OXR1: variants seen among roughly 807,000 people sequenced by gnomAD.
OXR1 encodes oxidation resistance protein 1.
A neutral mutation model predicts 104.6 loss-of-function variants in OXR1; 41 were observed. The ratio of observed to expected loss-of-function variants is 0.39; its 90% CI spans 0.31 to 0.51. OXR1 has a LOEUF of 0.51. Ranked by LOEUF, OXR1 falls within the 20% of genes least tolerant of loss-of-function variation. The pLI, the probability that OXR1 is intolerant of heterozygous loss-of-function variation, is 0.77. For missense variants in OXR1, 955 were observed against 1,031.9 expected, an observed-to-expected ratio of 0.93 and a Z score of 1.02; for synonymous variants, 348 against 348.4, an observed-to-expected ratio of 1.00 and a Z score of 0.01.
intron 6 of OXR1, 24 bp from the exon 7 acceptor site, chr8:106,692,703 TC>T: frequency 1.4e-6 from 2 of 1,414,362 alleles, no homozygotes; most frequent in Non-Finnish European, 9.4e-7. Flanking sequence ...CTTTTTTTTT[TC>T]TTTCCTTTAA....
chr8:106,569,895 G>A (rs749371830), intron 3 of OXR1, among the ~76,000 whole-genome samples: 7 of 152,176 alleles, frequency 4.6e-5, no homozygotes, highest in Non-Finnish European at 8.8e-5. Flanking sequence ...TGAAATGTCT[G>A]TGTGGGAGCT....
intron 2 of OXR1, among the ~76,000 whole-genome samples, chr8:106,414,858 G>T (rs1222450618): frequency 1.3e-5 from 2 of 152,110 alleles, no homozygotes; most frequent in East Asian, 3.9e-4. Flanking sequence ...AAGGCACCAG[G>T]GAGCTACTGA....
At chr8:106,695,199 G>T (rs1829885613) in intron 7 of OXR1, among the ~76,000 whole-genome samples, 1 of 150,976 alleles carries the variant, frequency 6.6e-6, no homozygotes, top group Non-Finnish European at 1.5e-5. Context: ...TAAGGGTAAA[G>T]TCTATTATAT....
chr8:106,375,856 G>T (rs117605596), intron 2 of OXR1, among the ~76,000 whole-genome samples: 1 of 152,304 alleles, frequency 6.6e-6, no homozygotes, highest in African/African-American at 2.4e-5. Flanking sequence ...ATGCAGACAC[G>T]TTTTTAAAGA....
At chr8:106,645,293 A>T (rs1823982830) in intron 3 of OXR1, among the ~76,000 whole-genome samples, 1 of 152,176 alleles carries the variant, frequency 6.6e-6, no homozygotes, top group African/African-American at 2.4e-5. Flanking sequence ...GCTGCCAACC[A>T]GTCCTTGTTC....
intron 13 of OXR1, 49 bp from the exon 14 acceptor site, chr8:106,740,294 T>C: frequency 6.7e-7 from 1 of 1,497,784 alleles, no homozygotes. Context: ...GTATTCTACA[T>C]AATGAACAAC....
chr8:106,569,743 A>T (rs961826761), intron 3 of OXR1, among the ~76,000 whole-genome samples: 1 of 152,246 alleles, frequency 6.6e-6, no homozygotes, highest in African/African-American at 2.4e-5. Context: ...CTACGTCAGT[A>T]TCACTTTCAG....
chr8:106,449,192 C>T (rs888283953), intron 2 of OXR1, among the ~76,000 whole-genome samples: 1 of 152,032 alleles, frequency 6.6e-6, no homozygotes, highest in Non-Finnish European at 1.5e-5. Context: ...AATTAACCTC[C>T]CTCAGCTGAT....
intron 11 of OXR1, among the ~76,000 whole-genome samples, chr8:106,735,864 A>C (rs939997845): frequency 6.6e-6 from 1 of 152,172 alleles, no homozygotes. Flanking sequence ...AATAATCAAA[A>C]TGTTAAAAAT....
chr8:106,683,368 T>G (rs922402723), intron 5 of OXR1, 62 bp downstream of exon 5: 10 of 793,456 alleles, frequency 1.3e-5, no homozygotes, highest in Non-Finnish European at 1.8e-5. Context: ...CAGAAAGTAT[T>G]TATTGTACTG....
chr8:106,407,381 A>T (rs1006495852), intron 2 of OXR1, among the ~76,000 whole-genome samples: 1 of 152,196 alleles, frequency 6.6e-6, no homozygotes, highest in African/African-American at 2.4e-5. Context: ...AGTTTGCTGT[A>T]CCTAACTTAT....
chr8:106,313,790 A>G (rs1310843900), intron 1 of OXR1, among the ~76,000 whole-genome samples: 1 of 152,184 alleles, frequency 6.6e-6, no homozygotes, highest in East Asian at 1.9e-4. Flanking sequence ...TCACTGCCAT[A>G]TGCTGTTCTC....
intron 3 of OXR1, among the ~76,000 whole-genome samples, chr8:106,607,833 T>A (rs1038301230): frequency 3.3e-5 from 5 of 151,698 alleles, no homozygotes; most frequent in African/African-American, 1.2e-4. Flanking sequence ...TTTTTACTAG[T>A]GAGGTAACTG....
intron 3 of OXR1, among the ~76,000 whole-genome samples, chr8:106,672,670 G>T: frequency 6.6e-6 from 1 of 152,134 alleles, no homozygotes; most frequent in African/African-American, 2.4e-5. Context: ...TCTCATCTTG[G>T]ATTATAATCC....
chr8:106,337,525 T>C (rs1463197871), intron 1 of OXR1, among the ~76,000 whole-genome samples: 1 of 152,188 alleles, frequency 6.6e-6, no homozygotes, highest in Non-Finnish European at 1.5e-5. Context: ...CATCCTGGGG[T>C]AGAACCCAAG....
At chr8:106,708,387 A>G (rs1244829483) in intron 9 of OXR1, among the ~76,000 whole-genome samples, 2 of 152,190 alleles carry the variant, frequency 1.3e-5, no homozygotes, top group African/African-American at 4.8e-5. Context: ...CAACAGAGCA[A>G]GATGCTGTCT....
chr8:106,479,586 C>T (rs957473602), intron 2 of OXR1, among the ~76,000 whole-genome samples: 1 of 152,020 alleles, frequency 6.6e-6, no homozygotes, highest in Non-Finnish European at 1.5e-5. Flanking sequence ...TGACCATCCA[C>T]AGCAGCCATG....
chr8:106,274,616 C>T (rs1360576812), intron 1 of OXR1, among the ~76,000 whole-genome samples: 1 of 148,886 alleles, frequency 6.7e-6, no homozygotes, highest in South Asian at 2.3e-4. Context: ...CCCCCGACCC[C>T]GCCCTTTCTC....
chr8:106,527,884 C>T (rs1001806068), intron 3 of OXR1, among the ~76,000 whole-genome samples: 1 of 152,194 alleles, frequency 6.6e-6, no homozygotes, highest in African/African-American at 2.4e-5. Flanking sequence ...AAGAGCTCAT[C>T]CTCTACATTG....
Sources: allele counts gnomAD v4.1 joint callset (sites outside exome capture counted in the v4.1 genomes callset), GRCh38; gene constraint gnomAD v4.1.1; transcripts MANE v1.5; gene names NCBI Gene and HGNC (gene_info 2026-07-23, HGNC 2026-07-21).